Variants in RBFOX1 observed in about 807,000 individuals in gnomAD.
RBFOX1 encodes the protein RNA binding protein fox-1 homolog 1.
In RBFOX1, 8 loss-of-function variants were observed where a neutral mutation model predicts 57.7. The ratio of observed to expected loss-of-function variants is 0.14; its 90% confidence interval spans 0.08 to 0.25. The LOEUF is 0.25. Ranked by LOEUF, RBFOX1 falls within the 10% of genes least tolerant of loss-of-function variation. RBFOX1 has a pLI of 1.00. For synonymous variants in RBFOX1, 326 were observed against 222.4 expected (o/e 1.47, Z -4.15); for missense variants, 611 against 548.5 (o/e 1.11, Z -1.14).
chr16:5,785,468 A>T (rs190368383), intron 3 of RBFOX1, among the ~76,000 whole-genome samples: 7 of 152,096 alleles, frequency 4.6e-5, no homozygotes, highest in Admixed American at 4.6e-4. Context: ...TACCTTCTGT[A>T]TATTATCAGG....
rs532194537 is a variant in RBFOX1 at position 6,721,437 on chromosome 16, T to C, written c.-16+66787T>C. The stretch of plus-strand genomic sequence containing the variant: ...CAGCCTGGGGGACAGAGCGAGACTC[T>C]GTCTCAAAAACAACAACAACAAAAC... On this transcript the variant is annotated intron_variant, in intron 3 of 15. Transcript: ENST00000550418. Among the ~76,000 whole-genome samples, 4 of 152,248 alleles carry C rather than the reference T, an allele frequency of 2.6e-5. No individual in the cohort carries two copies. In the South Asian group the frequency reaches 8.3e-4, roughly 32 times the overall value.
Position 7,468,652 on chromosome 16 carries a change from C to T in RBFOX1, c.28-49495C>T, listed in dbSNP as rs188639438. On this transcript the variant is annotated intron_variant, in intron 4 of 15. Transcript: ENST00000550418. Reference sequence around the variant, plus strand: ...GGAACTTATGTGTTGGTGAAAATGCCAGAGGACACATGCATGCATAGGATG... The same window carrying T: ...GGAACTTATGTGTTGGTGAAAATGCTAGAGGACACATGCATGCATAGGATG... Among the ~76,000 whole-genome samples, 112 of 152,174 alleles carry T rather than the reference C, an allele frequency of 7.4e-4. 2 individuals carry two copies. Among genetic ancestry groups the T allele is most frequent in the Non-Finnish European group, 2.8e-4 (19 of 68,008 alleles).
intron 3 of RBFOX1, among the ~76,000 whole-genome samples, chr16:6,985,322 G>T (rs2090001309): frequency 6.6e-6 from 1 of 152,012 alleles, no homozygotes; most frequent in African/African-American, 2.4e-5. Context: ...TTAATTTTAT[G>T]ATAGGTTAAC....
At chr16:5,987,318 T>A (rs1394252282) in intron 4 of RBFOX1, among the ~76,000 whole-genome samples, 1 of 152,170 alleles carries the variant, frequency 6.6e-6, no homozygotes, top group Non-Finnish European at 1.5e-5. Flanking sequence ...ACAAATATTT[T>A]CCCCCAGCTG....
At chr16:5,614,166 G>C (rs554441493) in intron 3 of RBFOX1, among the ~76,000 whole-genome samples, 3 of 152,118 alleles carry the variant, frequency 2.0e-5, no homozygotes, top group Non-Finnish European at 4.4e-5. Flanking sequence ...AGGTGGTTGG[G>C]GGATCCTGTC....
At chr16:6,604,893 T>C (rs1219472950) in intron 2 of RBFOX1, among the ~76,000 whole-genome samples, 1 of 152,102 alleles carries the variant, frequency 6.6e-6, no homozygotes, top group East Asian at 1.9e-4. Flanking sequence ...CTCAACAGTT[T>C]TGGAACCTTA....
chr16:6,342,796 C>T (rs950143181), intron 2 of RBFOX1, among the ~76,000 whole-genome samples: 19 of 151,990 alleles, frequency 1.3e-4, no homozygotes, highest in African/African-American at 3.4e-4. Context: ...TGTTATATGC[C>T]ACTCACAAGC....
At chr16:7,283,528 C>G (rs1310240689) in intron 4 of RBFOX1, among the ~76,000 whole-genome samples, 1 of 151,956 alleles carries the variant, frequency 6.6e-6, no homozygotes, top group South Asian at 2.1e-4. Context: ...TCCATAACAC[C>G]TCCCCTCTGT....
At chr16:7,128,231 T>G (rs1198788965) in intron 4 of RBFOX1, among the ~76,000 whole-genome samples, 1 of 152,230 alleles carries the variant, frequency 6.6e-6, no homozygotes, top group Non-Finnish European at 1.5e-5. Flanking sequence ...TGCCAGACAC[T>G]AAGTCCTTTT....
At chr16:6,001,994 T>A (rs2060608749) in intron 4 of RBFOX1, among the ~76,000 whole-genome samples, 2 of 145,154 alleles carry the variant, frequency 1.4e-5, no homozygotes, top group Admixed American at 6.9e-5. Context: ...TGAGACTGGG[T>A]CTTGCTCTGT....
rs117030608 is a variant in RBFOX1, at chr16:6,814,831, G to C, written c.-16+160181G>C. ...GGTTTATGTCCTGTGAGTGTTTCTG[G>C]AAAGGGGTCCTGATCCAGACGCCAA... On this transcript the variant is annotated intron_variant, in intron 3 of 15. Transcript: ENST00000550418. 4.7e-3 allele frequency among the ~76,000 whole-genome samples: 717 copies of C among 152,236 alleles called. 1 individual carries two copies. Among genetic ancestry groups the C allele is most frequent in the Non-Finnish European group, 7.9e-3 (534 of 68,022 alleles).
At chr16:7,446,798 A>ATTTTTTTTTTTTTTTTTTTTTTTTTTTTT (rs34580591) in intron 4 of RBFOX1, among the ~76,000 whole-genome samples, 1 of 48,970 alleles carries the variant, frequency 2.0e-5, no homozygotes. Context: ...AGGTCTAGGT[A>ATTTTTTTTTTTTTTTTTTTTTTTTTTTTT]TTTTTTTTTT....
At chr16:5,579,343 T>C (rs2046582784) in intron 2 of RBFOX1, among the ~76,000 whole-genome samples, 1 of 152,070 alleles carries the variant, frequency 6.6e-6, no homozygotes, top group Non-Finnish European at 1.5e-5. Flanking sequence ...GGAAATCTAC[T>C]TCCTAATCTC....
chr16:7,384,526 C>A (rs1339732818), intron 4 of RBFOX1, among the ~76,000 whole-genome samples: 3 of 152,114 alleles, frequency 2.0e-5, no homozygotes, highest in African/African-American at 7.2e-5. Flanking sequence ...GTTACTCTGG[C>A]TACAGAATCT....
intron 3 of RBFOX1, among the ~76,000 whole-genome samples, chr16:5,719,358 T>C (rs974881050): frequency 6.7e-5 from 10 of 149,414 alleles, no homozygotes; most frequent in African/African-American, 1.8e-4. Flanking sequence ...CCTGCCACCA[T>C]GCCCGGCTAA....
intron 5 of RBFOX1, among the ~76,000 whole-genome samples, chr16:7,558,048 A>T (rs114773272): frequency 1.3e-3 from 202 of 152,200 alleles, no homozygotes; most frequent in African/African-American, 4.6e-3. Flanking sequence ...ATTATTTCTT[A>T]TTAATTTTTA....
rs536829874 is a variant in RBFOX1 at position 7,566,076 on chromosome 16, C to T, written c.271-13701C>T. Among the ~76,000 whole-genome samples the T allele has an allele frequency of 6.6e-5, 10 of 152,222 alleles. No individual in the cohort carries two copies. In the South Asian group the frequency reaches 8.3e-4, roughly 13 times the overall value. On this transcript the variant is annotated intron_variant, in intron 5 of 15. Transcript: ENST00000550418. Reference sequence around the variant, plus strand: ...TCTGATACAGTGTTTATCCACGGGACGCTCATATTCTAGGAAGCATTTGAT... The same window carrying T: ...TCTGATACAGTGTTTATCCACGGGATGCTCATATTCTAGGAAGCATTTGAT...
At chr16:6,887,425 G>C (rs1487766525) in intron 3 of RBFOX1, among the ~76,000 whole-genome samples, 1 of 152,120 alleles carries the variant, frequency 6.6e-6, no homozygotes, top group Non-Finnish European at 1.5e-5. Flanking sequence ...TGTATCATCT[G>C]TGGGCTCCAT....
intron 3 of RBFOX1, among the ~76,000 whole-genome samples, chr16:6,735,435 C>T (rs1368771855): frequency 6.6e-6 from 1 of 152,130 alleles, no homozygotes; most frequent in Non-Finnish European, 1.5e-5. Context: ...AGATATTTTT[C>T]TGTCTTAGTC....
Sources: allele counts gnomAD v4.1 joint callset (sites outside exome capture counted in the v4.1 genomes callset), GRCh38; gene constraint gnomAD v4.1.1; transcripts MANE v1.5; gene names NCBI Gene and HGNC (gene_info 2026-07-23, HGNC 2026-07-21).